The following COMMD2 variants were observed in gnomAD, a reference collection of about 807,000 sequenced individuals.
The protein encoded by COMMD2 is COMM domain containing 2, also known as COMM domain-containing protein 2.
In COMMD2, 25 loss-of-function variants were observed where a neutral mutation model predicts 22.5. The ratio of observed to expected loss-of-function variants is 1.11; its 90% CI spans 0.81 to 1.55. The LOEUF is 1.55. Ranked by LOEUF, COMMD2 falls within the 40% of genes most tolerant of loss-of-function variation. The pLI is 0.00. For missense variants in COMMD2, 223 were observed against 232.9 expected, an observed-to-expected ratio of 0.96 and a Z score of 0.28; for synonymous variants, 98 against 91.2, an observed-to-expected ratio of 1.07 and a Z score of -0.42.
chr3:149,750,385 G>A (rs1386590798), intron 4 of COMMD2: 1 of 478,548 alleles, frequency 2.1e-6, no homozygotes, highest in Non-Finnish European at 4.1e-6. Flanking sequence ...TTCTACATCT[G>A]TTAAATTTAA....
chr3:149,740,571 C>CA lies in COMMD2; in HGVS notation c.*949dup. On this transcript the variant is annotated 3_prime_UTR_variant, in exon 5 of 5. Transcript: ENST00000473414. The stretch of plus-strand genomic sequence containing the variant: ...AGCCAATTAATTAACCATGATCACT[C>CA]AAACTTAGGCAATATGATACTTATC... The CA allele has an allele frequency of 6.6e-6, 1 of 152,252 alleles. No individual in the cohort carries two copies. The highest frequency in any genetic ancestry group is 3.4e-3 in the Middle Eastern group (1 of 294). The allele number at this position is 152,252 out of a possible 1,614,324, so 9.4% of individuals were successfully genotyped here. A position where few individuals can be genotyped will look rare whatever the true frequency, so the allele number is the denominator to read the frequency against.
intron 4 of COMMD2, among the ~76,000 whole-genome samples, chr3:149,749,020 T>C (rs1015545140): frequency 6.8e-5 from 10 of 147,148 alleles, no homozygotes; most frequent in South Asian, 2.1e-4. Context: ...CTCTCTCTCT[T>C]TTTTTTTTTT....
intron 4 of COMMD2, among the ~76,000 whole-genome samples, chr3:149,743,487 G>C (rs1168273328): frequency 6.6e-6 from 1 of 152,116 alleles, no homozygotes; most frequent in Non-Finnish European, 1.5e-5. Flanking sequence ...GAGATTTCAG[G>C]ATTAATTTAA....
Position 149,741,626 on chromosome 3 carries a change from C to G in COMMD2, c.495G>C (p.Leu165=), listed in dbSNP as rs11549572. 6.2e-7 allele frequency: 1 copy of G among 1,613,600 alleles called. No homozygotes were observed. The highest frequency in any genetic ancestry group is 1.3e-5 in the African/African-American group (1 of 74,734). Residue 165 remains leucine (L), a synonymous_variant, in exon 5 of 5, where the codon CTG becomes CTC. Coordinates refer to ENST00000473414, the MANE Select transcript of COMMD2 (RefSeq NM_016094.4). ...GGAGCAGGGTGGCTGGGTCTGTCTG[C>G]AGAACTTTGGTGTTGTGATCTCCAT... ...NQNGDHNTKV[L]QTDPATLLHL...
Position 149,741,239 on chromosome 3 carries a change from T to C in COMMD2, c.*282A>G, listed in dbSNP as rs1012949121. 1 of 294,412 alleles carries C rather than the reference T, an allele frequency of 3.4e-6. No homozygotes were observed. Among genetic ancestry groups the C allele is most frequent in the East Asian group, 7.8e-5 (1 of 12,818 alleles). 18.2% of individuals were successfully genotyped at this position (294,412 alleles called of 1,614,324 possible). A position where few individuals can be genotyped will look rare whatever the true frequency, so the allele number is the denominator to read the frequency against. The stretch of plus-strand genomic sequence containing the variant: ...GTGCCACCACACCTGGCTAATTTTT[T>C]ATATTTTTAGTAGAGATGGGGTTTC... On this transcript the variant is annotated 3_prime_UTR_variant, in exon 5 of 5. Coordinates refer to ENST00000473414, the MANE Select transcript of COMMD2 (RefSeq NM_016094.4).
intron 2 of COMMD2, 77 bp downstream of exon 2, chr3:149,752,133 C>T (rs913441959): frequency 5.0e-6 from 6 of 1,193,730 alleles, no homozygotes; most frequent in Non-Finnish European, 7.3e-6. Context: ...CGCAATAATC[C>T]GTTTCTCTCC....
chr3:149,741,672 A>T lies in COMMD2; in HGVS notation c.449T>A (p.Ile150Lys). 2 of 1,613,998 alleles carry T rather than the reference A, an allele frequency of 1.2e-6. No homozygotes were observed. The highest frequency in any genetic ancestry group is 2.2e-5 in the South Asian group (2 of 91,086). The change falls in exon 5 of 5, where the codon ATA becomes AAA. Residue 150 changes from isoleucine to lysine, a missense_variant. By Grantham distance (102) the Ile-to-Lys change is moderately radical (BLOSUM62 -3). Transcript: ENST00000473414. ...LRQQIKPAVT[I>K]KLHLNQNGDH... ...TCCATTTTGATTAAGGTGTAGCTTT[A>T]TAGTCACTGCTGGTTTAATCTGTTG...
At chr3:149,749,563 A>C (rs1716471992) in intron 4 of COMMD2, among the ~76,000 whole-genome samples, 1 of 152,210 alleles carries the variant, frequency 6.6e-6, no homozygotes, top group Non-Finnish European at 1.5e-5. Context: ...ATTTCTGTAA[A>C]GCTCCCCAGG....
intron 4 of COMMD2, among the ~76,000 whole-genome samples, chr3:149,747,428 A>G (rs936962221): frequency 6.6e-6 from 1 of 152,204 alleles, no homozygotes; most frequent in African/African-American, 2.4e-5. Context: ...GAATCACAGG[A>G]AGTTATTTCC....
rs1472744576 is a variant in COMMD2, at chr3:149,741,463, T to G, written c.*58A>C. ...ATAAAAAATTAATTTTGAAAAGTAA[T>G]TGCTGTATATCATCAATTCATAAGT... is the stretch of plus-strand genomic sequence containing the variant. On this transcript the variant is annotated 3_prime_UTR_variant, in exon 5 of 5. Coordinates refer to ENST00000473414, the MANE Select transcript of COMMD2 (RefSeq NM_016094.4). The G allele has an allele frequency of 1.5e-6, 2 of 1,317,284 alleles. No individual in the cohort carries two copies. The highest frequency in any genetic ancestry group is 2.4e-5 in the South Asian group (2 of 84,338). 81.6% of individuals were successfully genotyped at this position (1,317,284 alleles called of 1,614,324 possible). A position where few individuals can be genotyped will look rare whatever the true frequency, so the allele number is the denominator to read the frequency against.
intron 4 of COMMD2, among the ~76,000 whole-genome samples, chr3:149,746,528 T>C (rs1043623289): frequency 3.3e-5 from 5 of 151,946 alleles, no homozygotes; most frequent in African/African-American, 1.2e-4. Context: ...TCCCAGCACT[T>C]TGGGAGGCCA....
At chr3:149,750,063 T>C (rs934501794) in intron 4 of COMMD2, among the ~76,000 whole-genome samples, 1 of 152,230 alleles carries the variant, frequency 6.6e-6, no homozygotes, top group Non-Finnish European at 1.5e-5. Flanking sequence ...CTCTGCTTAA[T>C]AAAGGATTAT....
chr3:149,751,230 C>G, intron 3 of COMMD2, 173 bp downstream of exon 3: 2 of 942,934 alleles, frequency 2.1e-6, no homozygotes, highest in Non-Finnish European at 3.1e-6. Flanking sequence ...AAGAGGTATT[C>G]ATATCAGCAG....
Position 149,741,073 on chromosome 3 carries a change from A to ATTT in COMMD2, c.*447_*448insAAA, listed in dbSNP as rs1158353828. The ATTT allele has an allele frequency of 6.6e-6, 1 of 152,064 alleles. No homozygotes were observed. Among genetic ancestry groups the ATTT allele is most frequent in the Non-Finnish European group, 1.5e-5 (1 of 68,008 alleles). The allele number at this position is 152,064 out of a possible 1,614,324, so 9.4% of individuals were successfully genotyped here. A position where few individuals can be genotyped will look rare whatever the true frequency, so the allele number is the denominator to read the frequency against. ...TTATTTTTACTTTATTATTATTATT[A>ATTT]TTATTTTTGAGATGGAGTCTCACTC... On this transcript the variant is annotated 3_prime_UTR_variant, in exon 5 of 5. Coordinates refer to ENST00000473414, the MANE Select transcript of COMMD2 (RefSeq NM_016094.4).
intron 4 of COMMD2, among the ~76,000 whole-genome samples, chr3:149,744,184 G>A (rs1048053267): frequency 6.6e-6 from 1 of 151,840 alleles, no homozygotes; most frequent in Non-Finnish European, 1.5e-5. Flanking sequence ...AATGTCTTAT[G>A]TCAATGCAAA....
At chr3:149,751,612 G>C (rs375400333) in intron 2 of COMMD2, 127 bp from the exon 3 acceptor site, 42 of 816,020 alleles carry the variant, frequency 5.1e-5, no homozygotes, top group Non-Finnish European at 7.6e-5. Flanking sequence ...AAAACAGTAA[G>C]TTGGCCAGAG....
intron 4 of COMMD2, among the ~76,000 whole-genome samples, chr3:149,742,561 C>T (rs971548101): frequency 7.2e-5 from 11 of 151,886 alleles, no homozygotes; most frequent in African/African-American, 2.7e-4. Flanking sequence ...ACTACAGCAA[C>T]ATGGGTTATC....
At chr3:149,750,429 TA>T in intron 4 of COMMD2, 3 of 526,586 alleles carry the variant, frequency 5.7e-6, no homozygotes, top group Non-Finnish European at 1.1e-5. Context: ...GGCACCAACC[TA>T]AAAAATCTAT....
intron 4 of COMMD2, chr3:149,750,384 T>C: frequency 2.1e-6 from 1 of 478,364 alleles, no homozygotes; most frequent in South Asian, 1.6e-5. Context: ...TTTCTACATC[T>C]GTTAAATTTA....
Sources: gnomAD v4.1 joint callset for allele counts (sites outside exome capture counted in the v4.1 genomes callset) on GRCh38, gnomAD v4.1.1 for gene constraint, MANE v1.5 for transcripts, NCBI Gene and HGNC (gene_info 2026-07-23, HGNC 2026-07-21) for gene names.